Variants in DSCAM observed in about 807,000 individuals in gnomAD.
The protein encoded by DSCAM is DS cell adhesion molecule.
In DSCAM, 47 loss-of-function variants were observed where a neutral mutation model predicts 217.7. The observed-to-expected ratio is 0.22, with a 90% CI of 0.17 to 0.28. The LOEUF (loss-of-function observed/expected upper bound fraction) is 0.28. Among genes scored for constraint, DSCAM ranks in the 10% least tolerant of loss-of-function variants. The pLI, the probability that DSCAM is intolerant of heterozygous loss-of-function variation, is 1.00. For synonymous variants in DSCAM, 1,056 were observed against 1,015.3 expected, an observed-to-expected ratio of 1.04 and a Z score of -0.76; for missense variants, 2,080 against 2,618.3, an observed-to-expected ratio of 0.79 and a Z score of 4.49.
At chr21:40,122,062 G>A (rs2090040935) in intron 20 of DSCAM, among the ~76,000 whole-genome samples, 1 of 152,028 alleles carries the variant, frequency 6.6e-6, no homozygotes, top group African/African-American at 2.4e-5. Flanking sequence ...TTGTTCTGTG[G>A]GTGAAGAGAC....
At chr21:40,115,486 G>A (rs2089959191) in intron 20 of DSCAM, among the ~76,000 whole-genome samples, 1 of 152,036 alleles carries the variant, frequency 6.6e-6, no homozygotes, top group Non-Finnish European at 1.5e-5. Context: ...AATGGGTGCA[G>A]CACACCAACA....
intron 14 of DSCAM, 129 bp downstream of exon 14, chr21:40,187,002 T>C: frequency 1.7e-6 from 2 of 1,145,980 alleles, no homozygotes; most frequent in Non-Finnish European, 2.4e-6. Context: ...GCAAGGAGAC[T>C]GGGGGAAGTG....
chr21:40,736,876 A>AT (rs1433028677), intron 1 of DSCAM, among the ~76,000 whole-genome samples: 1 of 152,258 alleles, frequency 6.6e-6, no homozygotes, highest in Non-Finnish European at 1.5e-5. Context: ...TGAAAATTAT[A>AT]TAACTACTCC....
intron 20 of DSCAM, among the ~76,000 whole-genome samples, chr21:40,115,269 A>G (rs930807909): frequency 7.2e-5 from 11 of 151,996 alleles, no homozygotes; most frequent in African/African-American, 2.7e-4. Context: ...TTGTAGGGAC[A>G]TGGAAGAAGC....
intron 1 of DSCAM, among the ~76,000 whole-genome samples, chr21:40,801,668 T>A (rs2091741927): frequency 6.6e-6 from 1 of 152,170 alleles, no homozygotes. Context: ...CTGCCCTAGT[T>A]AGGCTCAAGA....
intron 11 of DSCAM, among the ~76,000 whole-genome samples, chr21:40,256,575 T>G (rs575841699): frequency 1.3e-5 from 2 of 152,244 alleles, no homozygotes; most frequent in African/African-American, 2.4e-5. Context: ...AGAACTGATG[T>G]GCAGCTTGGG....
chr21:40,223,571 T>C (rs2091306817), intron 11 of DSCAM, among the ~76,000 whole-genome samples: 1 of 152,150 alleles, frequency 6.6e-6, no homozygotes, highest in Non-Finnish European at 1.5e-5. Flanking sequence ...TCATATCATA[T>C]ATACACATTA....
chr21:40,176,986 T>C (rs1200546849), intron 15 of DSCAM, among the ~76,000 whole-genome samples: 2 of 152,140 alleles, frequency 1.3e-5, no homozygotes, highest in African/African-American at 4.8e-5. Context: ...AGGTGCAAAA[T>C]GCACCACCGG....
chr21:40,501,464 C>G (rs2076169687), intron 3 of DSCAM, among the ~76,000 whole-genome samples: 2 of 152,076 alleles, frequency 1.3e-5, no homozygotes, highest in Admixed American at 1.3e-4. Context: ...AAATTATGCT[C>G]CCTACTTTTA....
At chr21:40,808,508 CTG>C (rs1280155746) in intron 1 of DSCAM, among the ~76,000 whole-genome samples, 13 of 145,012 alleles carry the variant, frequency 9.0e-5, no homozygotes, top group African/African-American at 3.1e-4. Flanking sequence ...TAGTCTCTCT[CTG>C]TGACCCAGGC....
intron 14 of DSCAM, among the ~76,000 whole-genome samples, chr21:40,181,172 T>C (rs1288436461): frequency 1.3e-5 from 2 of 152,090 alleles, no homozygotes; most frequent in Non-Finnish European, 2.9e-5. Context: ...TGTTTGTGTT[T>C]TACGCCTAAG....
chr21:40,091,015 T>C lies in DSCAM; in HGVS notation c.3850+2706A>G, dbSNP rs137995736. Among the ~76,000 whole-genome samples the C allele has an allele frequency of 3.3e-5, 5 of 152,282 alleles. No individual in the cohort carries two copies. In the East Asian group the frequency reaches 9.7e-4, roughly 29 times the overall value. ...CTCCACCCTCCTCCATTTCTGCCTC[T>C]CTGCAGTCCATTCAGGACAGAGAGA... On this transcript the variant is annotated intron_variant, in intron 21 of 32. Transcript: ENST00000400454.
chr21:40,403,360 C>A (rs1004345919), intron 3 of DSCAM, among the ~76,000 whole-genome samples: 12 of 150,672 alleles, frequency 8.0e-5, no homozygotes, highest in African/African-American at 2.7e-4. Context: ...TGCAGTGATG[C>A]AATCTCAGCT....
chr21:40,380,596 G>A (rs992494479), intron 3 of DSCAM, among the ~76,000 whole-genome samples: 3 of 152,184 alleles, frequency 2.0e-5, no homozygotes, highest in Non-Finnish European at 4.4e-5. Flanking sequence ...TTGGAGTGGG[G>A]TGTGTATGTA....
At chr21:40,818,411 T>A (rs1295276161) in intron 1 of DSCAM, among the ~76,000 whole-genome samples, 1 of 150,988 alleles carries the variant, frequency 6.6e-6, no homozygotes, top group Non-Finnish European at 1.5e-5. Flanking sequence ...CTGGGTGTGG[T>A]GGCGGGCGCC....
Position 40,222,010 on chromosome 21 carries a change from T to C in DSCAM, c.2357-32772A>G, listed in dbSNP as rs537870631. 2.0e-5 allele frequency among the ~76,000 whole-genome samples: 3 copies of C among 152,304 alleles called. No homozygotes were observed. In the South Asian group the frequency reaches 6.2e-4, roughly 32 times the overall value. On this transcript the variant is annotated intron_variant, in intron 11 of 32. Coordinates refer to ENST00000400454, the MANE Select transcript of DSCAM (RefSeq NM_001389.5). ...CATTTCTACTTGAAAGAAAAACTGA[T>C]AAACTATTTTTGTCTGGGTATTTGA... is the stretch of plus-strand genomic sequence containing the variant.
chr21:40,594,051 G>C (rs2837736), intron 3 of DSCAM, among the ~76,000 whole-genome samples: 69,001 of 151,948 alleles, frequency 0.45, 16,260 homozygotes, highest in Admixed American at 0.52. Context: ...ACAAAATTCT[G>C]CTTTCTTACA....
At chr21:40,546,310 T>C (rs370448811) in intron 3 of DSCAM, among the ~76,000 whole-genome samples, 91 of 152,280 alleles carry the variant, frequency 6.0e-4, no homozygotes, top group African/African-American at 2.2e-3. Flanking sequence ...GGGATATGTA[T>C]CTGGAAAAGG....
intron 1 of DSCAM, among the ~76,000 whole-genome samples, chr21:40,816,538 T>C (rs2123567678): frequency 6.6e-6 from 1 of 152,254 alleles, no homozygotes; most frequent in South Asian, 2.1e-4. Context: ...ATTGCACCAC[T>C]GCACTCCAGC....
Sources: gnomAD v4.1 joint callset for allele counts (sites outside exome capture counted in the v4.1 genomes callset) on GRCh38, gnomAD v4.1.1 for gene constraint, MANE v1.5 for transcripts, NCBI Gene and HGNC (gene_info 2026-07-23, HGNC 2026-07-21) for gene names.